Variants in RTF1 observed in about 807,000 individuals in gnomAD.
RTF1 encodes the protein RNA polymerase-associated protein RTF1 homolog.
Under a neutral mutation model 95.7 loss-of-function variants are expected in RTF1, and 10 were observed. The ratio of observed to expected loss-of-function variants is 0.10; its 90% CI spans 0.06 to 0.18. The LOEUF is 0.18. RTF1 is among the 10% of genes least tolerant of loss of function. The pLI, the probability that RTF1 is intolerant of heterozygous loss-of-function variation, is 1.00. For synonymous variants in RTF1, 305 were observed against 311.8 expected (o/e 0.98, Z 0.23); for missense variants, 458 against 875.6 (o/e 0.52, Z 6.02).
Position 41,457,722 on chromosome 15 carries a change from G to C in RTF1, c.508G>C (p.Asp170His). 5.0e-6 allele frequency: 8 copies of C among 1,614,106 alleles called. No individual in the cohort carries two copies. The highest frequency in any genetic ancestry group is 1.3e-5 in the African/African-American group (1 of 75,028). ...SNSSSSSSDS[D>H]SSSEDEEFHD... ...CAGCTCCTCTTCCAGTTCAGATTCA[G>C]ACTCTTCCTCAGAAGATGAAGAGTT... Residue 170 changes from aspartate (D) to histidine (H), a missense_variant, in exon 4 of 18, where the codon GAC becomes CAC. Transcript: ENST00000389629.
At chr15:41,435,580 C>T (rs187321496) in intron 1 of RTF1, among the ~76,000 whole-genome samples, 1 of 152,142 alleles carries the variant, frequency 6.6e-6, no homozygotes, top group African/African-American at 2.4e-5. Context: ...TGATTTCAGT[C>T]TTTCAGGAAG....
chr15:41,456,952 C>T (rs549081322), intron 3 of RTF1, among the ~76,000 whole-genome samples: 1 of 151,936 alleles, frequency 6.6e-6, no homozygotes, highest in African/African-American at 2.4e-5. Context: ...GACGTGGTGG[C>T]GTGCACCTGT....
intron 7 of RTF1, among the ~76,000 whole-genome samples, chr15:41,470,657 T>A (rs1482366827): frequency 7.7e-6 from 1 of 129,962 alleles, no homozygotes; most frequent in Non-Finnish European, 1.6e-5. Flanking sequence ...TTTCTTTTTT[T>A]TTTTTTTTTT....
intron 3 of RTF1, among the ~76,000 whole-genome samples, chr15:41,455,368 G>A (rs1471328622): frequency 6.6e-6 from 1 of 151,836 alleles, no homozygotes; most frequent in Non-Finnish European, 1.5e-5. Context: ...GCCACAAAAC[G>A]GAATGAAATA....
At chr15:41,477,828 G>A (rs371034786) in intron 14 of RTF1, among the ~76,000 whole-genome samples, 6 of 152,182 alleles carry the variant, frequency 3.9e-5, no homozygotes, top group South Asian at 2.1e-4. Flanking sequence ...ATAATATGCC[G>A]GGCGCGGTGT....
At chr15:41,427,145 A>ATTTTTT (rs1225127893) in intron 1 of RTF1, among the ~76,000 whole-genome samples, 2 of 78,144 alleles carry the variant, frequency 2.6e-5, no homozygotes, top group African/African-American at 6.1e-5. Context: ...TGGTCTACAA[A>ATTTTTT]TTTTTTTTTT....
intron 4 of RTF1, among the ~76,000 whole-genome samples, chr15:41,460,415 G>A (rs752061663): frequency 2.0e-5 from 3 of 152,056 alleles, no homozygotes; most frequent in African/African-American, 4.8e-5. Flanking sequence ...GAGCCACCGC[G>A]CTCGGCTTCA....
At position 41,420,082 on chromosome 15, in the gene RTF1, A is replaced by G. The variant is rs531874596; in HGVS notation, c.198+2769A>G. Among the ~76,000 whole-genome samples, 16 of 152,284 alleles carry G rather than the reference A, an allele frequency of 1.1e-4. 1 individual carries two copies. The highest frequency in any genetic ancestry group is 2.9e-4 in the African/African-American group (12 of 41,576). ...GTGATATGCCCACCTCGGCCTCCCA[A>G]AGTGCTGGGATTACAGGCATGAGCC... On this transcript the variant is annotated intron_variant, in intron 1 of 17. Transcript: ENST00000389629.
At chr15:41,417,381 A>G in intron 1 of RTF1, 68 bp downstream of exon 1, 1 of 1,218,194 alleles carries the variant, frequency 8.2e-7, no homozygotes, top group Non-Finnish European at 1.0e-6. Context: ...GGAGCCGGAG[A>G]CGGCCGGGCC....
intron 1 of RTF1, among the ~76,000 whole-genome samples, chr15:41,427,495 T>A (rs1336480925): frequency 6.6e-6 from 1 of 152,060 alleles, no homozygotes; most frequent in Non-Finnish European, 1.5e-5. Context: ...GGCATGCGCC[T>A]GTGGTCCCAG....
intron 17 of RTF1, 28 bp from the exon 18 acceptor site, chr15:41,480,553 G>A (rs374666221): frequency 6.4e-7 from 1 of 1,553,130 alleles, no homozygotes; most frequent in East Asian, 2.2e-5. Flanking sequence ...TGGGACCTCA[G>A]CTGCCAACTT....
At position 41,417,106 on chromosome 15, in the gene RTF1, C is replaced by T. The variant is rs895955263; in HGVS notation, c.-10C>T. ...AGGGGGCGGGGCCAGGGGGGCGGAG[C>T]GGAGCGCGCATGCGCGGTCGCCTTT... On this transcript the variant is annotated 5_prime_UTR_variant, in exon 1 of 18. Coordinates refer to ENST00000389629, the MANE Select transcript of RTF1 (RefSeq NM_015138.5). 1.6e-6 allele frequency: 2 copies of T among 1,235,288 alleles called. No individual in the cohort carries two copies. Among genetic ancestry groups the T allele is most frequent in the African/African-American group, 3.1e-5 (2 of 64,110 alleles). 76.5% of individuals were successfully genotyped at this position (1,235,288 alleles called of 1,614,324 possible).
rs926385983 is a variant in RTF1, at chr15:41,483,310, T to G, written c.*2623T>G. On this transcript the variant is annotated 3_prime_UTR_variant, in exon 18 of 18. Transcript: ENST00000389629. ...TCCCTCCACAGTGTGGTTTCAGTGT[T>G]GAAGGGTGCAGCACCCAAGGTTGTT... is the stretch of plus-strand genomic sequence containing the variant. 5.9e-5 allele frequency: 9 copies of G among 152,600 alleles called. No individual in the cohort carries two copies. Among genetic ancestry groups the G allele is most frequent in the Non-Finnish European group, 1.2e-4 (8 of 68,034 alleles). The allele number at this position is 152,600 out of a possible 1,614,324, so 9.5% of individuals were successfully genotyped here.
intron 2 of RTF1, among the ~76,000 whole-genome samples, chr15:41,443,851 AG>A (rs1211049763): frequency 1.3e-5 from 2 of 152,082 alleles, no homozygotes; most frequent in Non-Finnish European, 2.9e-5. Context: ...GCAGATTACA[AG>A]GTCTGGAGCT....
Position 41,458,821 on chromosome 15 carries a change from C to G in RTF1, c.662+945C>G, listed in dbSNP as rs1215208280. Reference sequence around the variant, plus strand: ...GTGTGGTGGCTCACACTGGTAATCCCTGCACTTTGGGAGGCCAAGGCGGGC... The same window carrying G: ...GTGTGGTGGCTCACACTGGTAATCCGTGCACTTTGGGAGGCCAAGGCGGGC... On this transcript the variant is annotated intron_variant, in intron 4 of 17. Transcript: ENST00000389629. Among the ~76,000 whole-genome samples the G allele has an allele frequency of 2.0e-5, 3 of 151,114 alleles. No homozygotes were observed. The East Asian group carries it at 5.9e-4, about 30-fold the overall frequency.
chr15:41,473,112 C>G (rs1226439000), intron 8 of RTF1, among the ~76,000 whole-genome samples: 1 of 152,022 alleles, frequency 6.6e-6, no homozygotes, highest in African/African-American at 2.4e-5. Context: ...TCCTAAAGTG[C>G]TTGGTGTTGG....
At chr15:41,420,800 T>G (rs1020159862) in intron 1 of RTF1, among the ~76,000 whole-genome samples, 2 of 152,094 alleles carry the variant, frequency 1.3e-5, no homozygotes, top group African/African-American at 4.8e-5. Flanking sequence ...AAAATGTAGG[T>G]TGGGACTTAG....
chr15:41,467,469 C>T (rs969556199), intron 6 of RTF1, among the ~76,000 whole-genome samples: 5 of 152,178 alleles, frequency 3.3e-5, no homozygotes, highest in African/African-American at 1.2e-4. Context: ...AATCCTAGCA[C>T]TTTGGGAGGC....
intron 14 of RTF1, 97 bp downstream of exon 14, chr15:41,477,612 A>C: frequency 1.8e-6 from 2 of 1,099,036 alleles, no homozygotes; most frequent in South Asian, 2.6e-5. Flanking sequence ...AATTATTGAA[A>C]TAACGTAGGC....
Sources: gnomAD v4.1 joint callset for allele counts (sites outside exome capture counted in the v4.1 genomes callset) on GRCh38, gnomAD v4.1.1 for gene constraint, MANE v1.5 for transcripts, NCBI Gene and HGNC (gene_info 2026-07-23, HGNC 2026-07-21) for gene names.